ANAPC10: variants seen among roughly 807,000 people sequenced by gnomAD.
ANAPC10 encodes anaphase-promoting complex subunit 10.
ANAPC10 carries 12 observed loss-of-function variants against 22.0 expected under a neutral mutation model. The observed-to-expected ratio is 0.55, with a 90% CI of 0.35 to 0.88. The LOEUF is 0.88. Among genes scored for constraint, ANAPC10 ranks in the 40% least tolerant of loss-of-function variants. The pLI is 0.01. For synonymous variants in ANAPC10, 65 were observed against 69.5 expected (o/e 0.94, Z 0.32); for missense variants, 188 against 220.9 (o/e 0.85, Z 0.94).
At chr4:145,008,318 C>A (rs1201410528) in intron 4 of ANAPC10, among the ~76,000 whole-genome samples, 2 of 152,178 alleles carry the variant, frequency 1.3e-5, no homozygotes, top group East Asian at 3.9e-4. Flanking sequence ...AAGAGGGAAT[C>A]CTCCCTACCT....
At chr4:145,057,234 C>A (rs532699641) in intron 4 of ANAPC10, among the ~76,000 whole-genome samples, 66 of 152,200 alleles carry the variant, frequency 4.3e-4, no homozygotes, top group African/African-American at 1.6e-3. Flanking sequence ...AATTTAGAAA[C>A]AATTACTCCA....
chr4:145,010,149 C>T (rs1428808803), intron 4 of ANAPC10, among the ~76,000 whole-genome samples: 2 of 151,974 alleles, frequency 1.3e-5, no homozygotes, highest in Non-Finnish European at 2.9e-5. Context: ...GTTAGAATGG[C>T]GATCATTAAA....
At chr4:145,079,655 A>T (rs1337539553) in intron 3 of ANAPC10, among the ~76,000 whole-genome samples, 1 of 152,226 alleles carries the variant, frequency 6.6e-6, no homozygotes, top group Admixed American at 6.5e-5. Context: ...GGACTGGATA[A>T]AGAAAATATT....
chr4:145,019,732 A>C (rs1735708298), intron 4 of ANAPC10, among the ~76,000 whole-genome samples: 1 of 152,212 alleles, frequency 6.6e-6, no homozygotes, highest in African/African-American at 2.4e-5. Flanking sequence ...AAATAACCTC[A>C]ATAAGAAATG....
At chr4:145,051,758 T>C (rs1741136736) in intron 4 of ANAPC10, among the ~76,000 whole-genome samples, 1 of 152,138 alleles carries the variant, frequency 6.6e-6, no homozygotes, top group Non-Finnish European at 1.5e-5. Context: ...CTATATAAAC[T>C]ATATATATGG....
At chr4:145,086,466 G>C (rs1465576887) in intron 2 of ANAPC10, among the ~76,000 whole-genome samples, 3 of 152,172 alleles carry the variant, frequency 2.0e-5, no homozygotes, top group Non-Finnish European at 2.9e-5. Flanking sequence ...TCCTGAACCA[G>C]CAGCATCATT....
intron 4 of ANAPC10, among the ~76,000 whole-genome samples, chr4:145,031,691 T>C (rs1170327259): frequency 6.6e-6 from 1 of 152,224 alleles, no homozygotes; most frequent in East Asian, 1.9e-4. Flanking sequence ...GAGGTATCAG[T>C]GGCAGATAGG....
chr4:145,056,755 C>T (rs948713556), intron 4 of ANAPC10, among the ~76,000 whole-genome samples: 1 of 152,174 alleles, frequency 6.6e-6, no homozygotes, highest in African/African-American at 2.4e-5. Flanking sequence ...ATGCTCACCC[C>T]TGCTCTGACC....
chr4:145,069,969 C>A (rs1027781644), intron 3 of ANAPC10, among the ~76,000 whole-genome samples: 1 of 152,080 alleles, frequency 6.6e-6, no homozygotes, highest in Admixed American at 6.5e-5. Flanking sequence ...GTTGTTAACA[C>A]ATAATAGGTT....
chr4:145,054,604 A>AGTGTGTGTGT (rs70956823), intron 4 of ANAPC10, among the ~76,000 whole-genome samples: 21 of 128,288 alleles, frequency 1.6e-4, no homozygotes, highest in African/African-American at 5.7e-4. Flanking sequence ...CATACTGAAT[A>AGTGTGTGTGT]GTGTGTGTGT....
chr4:145,041,941 C>T (rs2127142579), intron 4 of ANAPC10, among the ~76,000 whole-genome samples: 1 of 152,246 alleles, frequency 6.6e-6, no homozygotes, highest in Middle Eastern at 3.4e-3. Context: ...AACCCAGTTT[C>T]AGATATGTAT....
chr4:145,090,729 T>C (rs1747554064), intron 2 of ANAPC10, among the ~76,000 whole-genome samples: 1 of 152,242 alleles, frequency 6.6e-6, no homozygotes, highest in African/African-American at 2.4e-5. Flanking sequence ...TAACTGGTTA[T>C]TTTATGCATG....
At position 145,081,761 on chromosome 4, in the gene ANAPC10, C is replaced by A; in HGVS notation, c.116-11G>T. The A allele has an allele frequency of 6.3e-7, 1 of 1,580,640 alleles. No individual in the cohort carries two copies. The highest frequency in any genetic ancestry group is 1.1e-5 in the South Asian group (1 of 88,608). On this transcript the variant is annotated splice_polypyrimidine_tract_variant and intron_variant, in intron 2 of 4. Transcript: ENST00000507656. ...GATCCACTCCAAATCCTAAAAACAC[C>A]AAAAGTGTCAATAAATCCCTGTGAA...
At chr4:145,020,957 A>G (rs979974897) in intron 4 of ANAPC10, among the ~76,000 whole-genome samples, 3 of 152,150 alleles carry the variant, frequency 2.0e-5, no homozygotes, top group Non-Finnish European at 4.4e-5. Flanking sequence ...GACAACACAA[A>G]CAAATGGAAA....
chr4:145,040,920 T>G (rs1421967856), intron 4 of ANAPC10, among the ~76,000 whole-genome samples: 2 of 152,200 alleles, frequency 1.3e-5, no homozygotes, highest in Non-Finnish European at 2.9e-5. Context: ...TTGTTTTATA[T>G]TATTAGTTAA....
chr4:145,053,573 T>C, intron 4 of ANAPC10: 2 of 423,254 alleles, frequency 4.7e-6, no homozygotes, highest in Non-Finnish European at 8.3e-6. Flanking sequence ...TTTTGTACCA[T>C]CAACTATAAT....
At chr4:145,018,587 G>A (rs1457911434) in intron 4 of ANAPC10, among the ~76,000 whole-genome samples, 1 of 151,808 alleles carries the variant, frequency 6.6e-6, no homozygotes, top group East Asian at 1.9e-4. Flanking sequence ...GCAGTGAGCC[G>A]AGATCGTGCC....
At chr4:145,038,821 CAAAAAAAAAAAAAA>C (rs140379083) in intron 4 of ANAPC10, among the ~76,000 whole-genome samples, 3 of 19,222 alleles carry the variant, frequency 1.6e-4, no homozygotes, top group South Asian at 2.0e-3. Context: ...GACTCTGTCT[CAAAAAAAAAAAAAA>C]AAAAAAAAAA....
At chr4:145,019,352 G>A (rs2126977411) in intron 4 of ANAPC10, among the ~76,000 whole-genome samples, 1 of 152,218 alleles carries the variant, frequency 6.6e-6, no homozygotes, top group Admixed American at 6.6e-5. Context: ...AATGATCACT[G>A]GACCAAAAAT....
Sources: gnomAD v4.1 joint callset for allele counts (sites outside exome capture counted in the v4.1 genomes callset) on GRCh38, gnomAD v4.1.1 for gene constraint, MANE v1.5 for transcripts, NCBI Gene and HGNC (gene_info 2026-07-23, HGNC 2026-07-21) for gene names.